The following UPF3B variants were observed in gnomAD, a reference collection of about 807,000 sequenced individuals.
UPF3B encodes regulator of nonsense transcripts 3B.
Under a neutral mutation model 40.3 loss-of-function variants are expected in UPF3B, and 7 were observed. The ratio of observed to expected loss-of-function variants is 0.17; its 90% CI spans 0.10 to 0.33. UPF3B has a LOEUF of 0.33. Ranked by LOEUF, UPF3B falls within the 10% of genes least tolerant of loss-of-function variation. UPF3B has a pLI of 1.00. For missense variants in UPF3B, 229 were observed against 358.9 expected (o/e 0.64, Z 2.93); for synonymous variants, 117 against 117.3 (o/e 1.00, Z 0.01).
chrX:119,820,616 A>C (rs1456655240), intron 4 of UPF3B, among the ~76,000 whole-genome samples: 1 of 102,026 alleles, frequency 9.8e-6, no homozygotes, highest in Non-Finnish European at 2.0e-5. Context: ...CGCTCCACCA[A>C]GCCTGGCCAA....
intron 3 of UPF3B, among the ~76,000 whole-genome samples, chrX:119,846,519 A>G (rs1489730143): frequency 1.2e-4 from 13 of 107,039 alleles, no homozygotes; most frequent in Non-Finnish European, 1.9e-4. Flanking sequence ...AAAAAAAAAA[A>G]AAAAAGAAAA....
chrX:119,845,445 A>G (rs1352583416), intron 3 of UPF3B, 149 bp from the exon 4 acceptor site: 6 of 465,998 alleles, frequency 1.3e-5, no homozygotes, highest in African/African-American at 2.4e-5. Flanking sequence ...TGGCACAACC[A>G]TAATCAACAT....
chrX:119,829,779 A>G (rs183936917), downstream of UPF3B, among the ~76,000 whole-genome samples: 31 of 111,681 alleles, frequency 2.8e-4, no homozygotes, highest in African/African-American at 9.8e-4. Flanking sequence ...CATGACTTCA[A>G]TGGACCCCTA....
intron 4 of UPF3B, chrX:119,815,448 A>C (rs1264287470): frequency 1.5e-5 from 2 of 130,948 alleles, no homozygotes; most frequent in African/African-American, 6.4e-5. Flanking sequence ...GTAAATGACA[A>C]CTTGCCCACT....
At chrX:119,838,655 T>C in intron 8 of UPF3B, 128 bp from the exon 9 acceptor site, 1 of 649,701 alleles carries the variant, frequency 1.5e-6, no homozygotes, top group Non-Finnish European at 2.4e-6. Flanking sequence ...ACACTTAATC[T>C]TTCAGGTGAA....
chrX:119,845,491 T>C (rs981918993), intron 3 of UPF3B, among the ~76,000 whole-genome samples, 195 bp from the exon 4 acceptor site: 13 of 112,262 alleles, frequency 1.2e-4, no homozygotes, highest in African/African-American at 1.9e-4. Flanking sequence ...ACTGATAACA[T>C]AGTGAAACAA....
intron 8 of UPF3B, among the ~76,000 whole-genome samples, chrX:119,839,807 A>G (rs972368703): frequency 2.7e-5 from 3 of 112,045 alleles, no homozygotes; most frequent in African/African-American, 9.7e-5. Flanking sequence ...CCTTATTAGA[A>G]ACCAAGGTGT....
At chrX:119,821,125 A>T (rs986025021) in intron 4 of UPF3B, among the ~76,000 whole-genome samples, 15 of 110,974 alleles carry the variant, frequency 1.4e-4, no homozygotes, top group African/African-American at 4.6e-4. Context: ...CTTACAGATC[A>T]GGTTGTTGTA....
chrX:119,834,776 T>C lies in UPF3B; in HGVS notation c.*102A>G. 2 of 1,206,484 alleles carry C rather than the reference T, an allele frequency of 1.7e-6. No homozygotes were observed. Among genetic ancestry groups the C allele is most frequent in the Non-Finnish European group, 1.1e-6 (1 of 894,905 alleles). On this transcript the variant is annotated 3_prime_UTR_variant, in exon 11 of 11. Coordinates refer to ENST00000276201, the MANE Select transcript of UPF3B (RefSeq NM_080632.3). ...CAGTGTACCCCACCAGCACAGCGGC[T>C]CCCTTTCTCTCTATTCTTTGCCCTG...
downstream of UPF3B, among the ~76,000 whole-genome samples, chrX:119,833,111 C>A (rs2056053894): frequency 9.0e-6 from 1 of 111,296 alleles, no homozygotes; most frequent in Non-Finnish European, 1.9e-5. Flanking sequence ...CTCCCCATGG[C>A]TGTAAGCATC....
At chrX:119,843,137 G>C in intron 5 of UPF3B, 54 bp downstream of exon 5, 2 of 813,801 alleles carry the variant, frequency 2.5e-6, no homozygotes, top group Admixed American at 2.2e-5. Flanking sequence ...GGAGGTAGGA[G>C]ACTTAGGTAC....
intron 4 of UPF3B, among the ~76,000 whole-genome samples, chrX:119,843,626 CA>C (rs750496425): frequency 8.9e-6 from 1 of 111,927 alleles, no homozygotes; most frequent in Non-Finnish European, 1.9e-5. Flanking sequence ...TTAGGTGTTC[CA>C]AAAAGATAAA....
At chrX:119,810,273 G>A (rs908466132) in intron 5 of UPF3B, among the ~76,000 whole-genome samples, 49 of 112,194 alleles carry the variant, frequency 4.4e-4, no homozygotes, top group African/African-American at 1.5e-3. Flanking sequence ...AAACAAGTAG[G>A]CTCTATTGGT....
chrX:119,845,534 C>T (rs1242642888), intron 3 of UPF3B, among the ~76,000 whole-genome samples: 1 of 112,072 alleles, frequency 8.9e-6, no homozygotes, highest in Admixed American at 9.5e-5. Flanking sequence ...CATATAAATT[C>T]AACTTATAAA....
intron 3 of UPF3B, among the ~76,000 whole-genome samples, chrX:119,845,682 A>G (rs2056219837): frequency 9.0e-6 from 1 of 111,548 alleles, no homozygotes; most frequent in South Asian, 3.7e-4. Context: ...AGTGGTGAGA[A>G]GAATGAGGAG....
At chrX:119,835,680 G>A (rs2056083491) in intron 10 of UPF3B, among the ~76,000 whole-genome samples, 1 of 112,470 alleles carries the variant, frequency 8.9e-6, no homozygotes, top group Admixed American at 9.4e-5. Flanking sequence ...AAGAGAAGGG[G>A]AAATTGTTTA....
intron 5 of UPF3B, among the ~76,000 whole-genome samples, chrX:119,811,517 G>A (rs1393751694): frequency 1.8e-5 from 2 of 109,866 alleles, no homozygotes; most frequent in African/African-American, 3.3e-5. Context: ...TTGGTGTCAC[G>A]TGCTTGAAGT....
Position 119,841,163 on chromosome X carries a change from CTCT to C in UPF3B, c.717_719del (p.Glu240del), listed in dbSNP as rs2056156815. 2 of 1,190,110 alleles carry C rather than the reference CTCT, an allele frequency of 1.7e-6. No individual in the cohort carries two copies. The highest frequency in any genetic ancestry group is 2.2e-5 in the Admixed American group (1 of 45,420). ...TTTCTATATCTTTCCTTTTTCGTTTCTCTTCTTCTTTCCATTTCCTCCTCTCTT... is the reference window on the plus strand; with the variant it reads ...TTTCTATATCTTTCCTTTTTCGTTTCTCTTCTTTCCATTTCCTCCTCTCTT... On this transcript the variant is annotated inframe_deletion, in exon 7 of 11. Transcript: ENST00000276201.
At position 119,843,311 on chromosome X, in the gene UPF3B, C is replaced by A. The variant is rs1603371048; in HGVS notation, c.470-10G>T. 9.4e-7 allele frequency: 1 copy of A among 1,063,402 alleles called. No homozygotes were observed. The highest frequency in any genetic ancestry group is 3.0e-5 in the East Asian group (1 of 33,038). The allele number at this position is 1,063,402 out of a possible 1,213,427, so 87.6% of individuals were successfully genotyped here. A position where few individuals can be genotyped will look rare whatever the true frequency, so the allele number is the denominator to read the frequency against. On this transcript the variant is annotated splice_polypyrimidine_tract_variant and intron_variant, in intron 4 of 10. Coordinates refer to ENST00000276201, the MANE Select transcript of UPF3B (RefSeq NM_080632.3). ...TTTCTATATTCTGGATCTAAATAATCATTTGAGGAAACAGAAAATATAATA... is the reference window on the plus strand; with the variant it reads ...TTTCTATATTCTGGATCTAAATAATAATTTGAGGAAACAGAAAATATAATA...
Sources: allele counts gnomAD v4.1 joint callset (sites outside exome capture counted in the v4.1 genomes callset), GRCh38; gene constraint gnomAD v4.1.1; transcripts MANE v1.5; gene names NCBI Gene and HGNC (gene_info 2026-07-23, HGNC 2026-07-21).